The following CEP85 variants were observed in gnomAD, a reference collection of about 807,000 sequenced individuals.
CEP85 encodes centrosomal protein 85.
In CEP85, 58 loss-of-function variants were observed where a neutral mutation model predicts 93.7. The ratio of observed to expected loss-of-function variants is 0.62; its 90% confidence interval spans 0.50 to 0.77. CEP85 has a LOEUF of 0.77. Ranked by LOEUF, CEP85 falls within the 30% of genes least tolerant of loss-of-function variation. The pLI is 0.00. For synonymous variants in CEP85, 314 were observed against 338.6 expected, an observed-to-expected ratio of 0.93 and a Z score of 0.80; for missense variants, 868 against 922.0, an observed-to-expected ratio of 0.94 and a Z score of 0.76.
At chr1:26,256,110 G>A (rs116274678) in intron 4 of CEP85, among the ~76,000 whole-genome samples, 2 of 152,234 alleles carry the variant, frequency 1.3e-5, no homozygotes, top group African/African-American at 4.8e-5. Context: ...GTATTTATAC[G>A]TCACTAGGCT....
chr1:26,264,394 A>ATGG (rs2089859690), intron 7 of CEP85, among the ~76,000 whole-genome samples: 1 of 152,080 alleles, frequency 6.6e-6, no homozygotes, highest in African/African-American at 2.4e-5. Flanking sequence ...TTAGCTGGGC[A>ATGG]TGGTGGTGGG....
chr1:26,255,029 C>A, intron 3 of CEP85, 142 bp from the exon 4 acceptor site: 1 of 707,050 alleles, frequency 1.4e-6, no homozygotes, highest in Non-Finnish European at 2.4e-6. Flanking sequence ...GTTTGGTTGC[C>A]GTTTCTTTCT....
Position 26,272,617 on chromosome 1 carries a change from A to ATTTTTTTTTTTT in CEP85, c.1794+562_1794+573dup, listed in dbSNP as rs397861910. Among the ~76,000 whole-genome samples, 5 of 89,690 alleles carry ATTTTTTTTTTTT rather than the reference A, an allele frequency of 5.6e-5. 1 individual carries two copies. Among genetic ancestry groups the ATTTTTTTTTTTT allele is most frequent in the African/African-American group, 2.5e-4 (5 of 19,706 alleles). 58.8% of individuals were successfully genotyped at this position (89,690 alleles called of 152,430 possible). ...GTAGGTGGTGGGCATCTATTACAGC[A>ATTTTTTTTTTTT]TTTTTTTTTTTTTTTTTTTTTTTTT... is the stretch of plus-strand genomic sequence containing the variant. On this transcript the variant is annotated intron_variant, in intron 11 of 13. Transcript: ENST00000451429.
intron 4 of CEP85, 36 bp from the exon 5 acceptor site, chr1:26,257,561 C>T: frequency 1.2e-6 from 2 of 1,611,742 alleles, no homozygotes; most frequent in Non-Finnish European, 1.7e-6. Flanking sequence ...GTGTATGGGT[C>T]AAGATCAAGC....
chr1:26,269,025 C>G (rs2089933432), intron 8 of CEP85, among the ~76,000 whole-genome samples: 1 of 152,190 alleles, frequency 6.6e-6, no homozygotes, highest in Non-Finnish European at 1.5e-5. Flanking sequence ...CGTCCTGACT[C>G]ATCCCGGTCA....
intron 9 of CEP85, among the ~76,000 whole-genome samples, chr1:26,270,421 A>G (rs978340737): frequency 3.4e-4 from 52 of 152,326 alleles, no homozygotes; most frequent in African/African-American, 1.2e-3. Flanking sequence ...AGCCTTCTCC[A>G]TATTAATAGC....
In CEP85 at chr1:26,277,402, G is replaced by C. The variant is rs948950872; in HGVS notation, c.*109G>C. ...TGCTATTCCCAGAGAGGTCTCAGAGGGGAGGGGAGAGCCTGCATCTGGGGG... is the reference window on the plus strand; with the variant it reads ...TGCTATTCCCAGAGAGGTCTCAGAGCGGAGGGGAGAGCCTGCATCTGGGGG... On this transcript the variant is annotated 3_prime_UTR_variant, in exon 14 of 14. Coordinates refer to ENST00000451429, the MANE Select transcript of CEP85 (RefSeq NM_001319944.2). 2.7e-6 allele frequency: 3 copies of C among 1,111,224 alleles called. No individual in the cohort carries two copies. The highest frequency in any genetic ancestry group is 1.6e-5 in the African/African-American group (1 of 63,582). The allele number at this position is 1,111,224 out of a possible 1,614,324, so 68.8% of individuals were successfully genotyped here. A position where few individuals can be genotyped will look rare whatever the true frequency, so the allele number is the denominator to read the frequency against.
In CEP85 at chr1:26,277,432, G is replaced by T; in HGVS notation, c.*139G>T. On this transcript the variant is annotated 3_prime_UTR_variant, in exon 14 of 14. Coordinates refer to ENST00000451429, the MANE Select transcript of CEP85 (RefSeq NM_001319944.2). ...GGGAGAGCCTGCATCTGGGGGCCAA[G>T]GGCTGATTAGGGAACTGTGTCCTAC... 1 of 718,442 alleles carries T rather than the reference G, an allele frequency of 1.4e-6. No individual in the cohort carries two copies. The highest frequency in any genetic ancestry group is 2.3e-6 in the Non-Finnish European group (1 of 429,810). The allele number at this position is 718,442 out of a possible 1,614,324, so 44.5% of individuals were successfully genotyped here. A position where few individuals can be genotyped will look rare whatever the true frequency, so the allele number is the denominator to read the frequency against.
intron 9 of CEP85, among the ~76,000 whole-genome samples, chr1:26,270,338 A>T (rs2089956776): frequency 1.3e-5 from 2 of 152,118 alleles, no homozygotes; most frequent in South Asian, 4.1e-4. Context: ...AGCCCTAGGG[A>T]TTGTTCTCCA....
intron 7 of CEP85, among the ~76,000 whole-genome samples, chr1:26,261,505 TA>T (rs1365598673): frequency 6.6e-6 from 1 of 151,980 alleles, no homozygotes; most frequent in Non-Finnish European, 1.5e-5. Flanking sequence ...TTAGTGAGTT[TA>T]AAAAAATAAT....
intron 7 of CEP85, among the ~76,000 whole-genome samples, chr1:26,261,751 T>C (rs905777686): frequency 1.4e-5 from 2 of 140,642 alleles, no homozygotes; most frequent in East Asian, 4.0e-4. Flanking sequence ...ATTTTTTTTT[T>C]CCCTAAAATC....
At chr1:26,268,280 A>G (rs1246660524) in intron 7 of CEP85, among the ~76,000 whole-genome samples, 1 of 152,198 alleles carries the variant, frequency 6.6e-6, no homozygotes, top group Non-Finnish European at 1.5e-5. Context: ...AAACATGGCG[A>G]AACTCTGTCT....
Position 26,277,529 on chromosome 1 carries a change from G to T in CEP85, c.*236G>T. Reference sequence around the variant, plus strand: ...ACGGTGAGTTACTAATTAACTTTTGGCAGGTACAACAGATAAGTCCTCACA... The same window carrying T: ...ACGGTGAGTTACTAATTAACTTTTGTCAGGTACAACAGATAAGTCCTCACA... On this transcript the variant is annotated 3_prime_UTR_variant, in exon 14 of 14. Coordinates refer to ENST00000451429, the MANE Select transcript of CEP85 (RefSeq NM_001319944.2). 2 of 440,474 alleles carry T rather than the reference G, an allele frequency of 4.5e-6. No individual in the cohort carries two copies. The highest frequency in any genetic ancestry group is 8.4e-6 in the Non-Finnish European group (2 of 237,682). The allele number at this position is 440,474 out of a possible 1,614,324, so 27.3% of individuals were successfully genotyped here. A position where few individuals can be genotyped will look rare whatever the true frequency, so the allele number is the denominator to read the frequency against.
In CEP85 at chr1:26,257,733, A is replaced by T; in HGVS notation, c.1037+3A>T. 1 of 1,614,070 alleles carries T rather than the reference A, an allele frequency of 6.2e-7. No homozygotes were observed. Among genetic ancestry groups the T allele is most frequent in the Non-Finnish European group, 8.5e-7 (1 of 1,179,960 alleles). On this transcript the variant is annotated splice_donor_region_variant and intron_variant, in intron 5 of 13. Transcript: ENST00000451429. ...GAAAAAGAGCTTCTCATTGACAAGT[A>T]AGAGGGCAAGGGGTACCACAGAGCC...
intron 1 of CEP85, among the ~76,000 whole-genome samples, chr1:26,238,555 T>C (rs1408611467): frequency 6.6e-6 from 1 of 152,230 alleles, no homozygotes; most frequent in African/African-American, 2.4e-5. Flanking sequence ...TTGATACTCC[T>C]TGATCTTCCA....
At chr1:26,273,935 A>AAATAAAT (rs1266605819) in intron 11 of CEP85, among the ~76,000 whole-genome samples, 1 of 106,848 alleles carries the variant, frequency 9.4e-6, no homozygotes, top group Non-Finnish European at 2.1e-5. Flanking sequence ...TAAATAAAAT[A>AAATAAAT]TATATATATA....
At chr1:26,247,842 T>G in intron 3 of CEP85, among the ~76,000 whole-genome samples, 1 of 152,066 alleles carries the variant, frequency 6.6e-6, no homozygotes, top group East Asian at 1.9e-4. Context: ...GTTTTGCGTG[T>G]GGAGTCAGGT....
rs556533102 is a variant in CEP85 at position 26,270,842 on chromosome 1, C to G, written c.1650-172C>G. On this transcript the variant is annotated intron_variant, in intron 9 of 13. Transcript: ENST00000451429. ...GCCCTTAGGGAAGAGAATTAACATA[C>G]ACTGAGCAGCTTTTGTGTGGCACCC... Among the ~76,000 whole-genome samples, 4 of 152,316 alleles carry G rather than the reference C, an allele frequency of 2.6e-5. No individual in the cohort carries two copies. The South Asian group carries it at 8.3e-4, about 32-fold the overall frequency.
At chr1:26,239,373 A>C (rs1279964547) in intron 1 of CEP85, among the ~76,000 whole-genome samples, 1 of 152,010 alleles carries the variant, frequency 6.6e-6, no homozygotes, top group East Asian at 1.9e-4. Flanking sequence ...TTTTTTTGAG[A>C]TGGAGTCTTG....
Sources: allele counts gnomAD v4.1 joint callset (sites outside exome capture counted in the v4.1 genomes callset), GRCh38; gene constraint gnomAD v4.1.1; transcripts MANE v1.5; gene names NCBI Gene and HGNC (gene_info 2026-07-23, HGNC 2026-07-21).